The following PTPRD variants were observed in gnomAD, a reference collection of about 807,000 sequenced individuals.
PTPRD encodes protein tyrosine phosphatase receptor type D, also known as receptor-type tyrosine-protein phosphatase delta.
PTPRD carries 34 observed loss-of-function variants against 214.5 expected under a neutral mutation model. That is an observed-to-expected ratio of 0.16 (90% confidence interval 0.12 to 0.21). PTPRD has a LOEUF of 0.21. PTPRD is among the 10% of genes least tolerant of loss of function. The pLI is 1.00. For synonymous variants in PTPRD, 1,128 were observed against 845.7 expected, an observed-to-expected ratio of 1.33 and a Z score of -5.79; for missense variants, 2,545 against 2,398.7, an observed-to-expected ratio of 1.06 and a Z score of -1.27.
At chr9:8,917,835 C>G (rs915671753) in intron 11 of PTPRD, among the ~76,000 whole-genome samples, 2 of 152,090 alleles carry the variant, frequency 1.3e-5, no homozygotes, top group Non-Finnish European at 2.9e-5. Flanking sequence ...TGCTAGAGAC[C>G]ATTTGATGGA....
At chr9:9,591,842 C>T (rs115075314) in intron 7 of PTPRD, among the ~76,000 whole-genome samples, 4,820 of 151,980 alleles carry the variant, frequency 0.032, 144 homozygotes, top group African/African-American at 0.075. Flanking sequence ...ATTTTATAGC[C>T]ATTTTGAAAT....
chr9:8,673,191 C>T (rs528137866), intron 12 of PTPRD, among the ~76,000 whole-genome samples: 19 of 151,948 alleles, frequency 1.3e-4, no homozygotes, highest in East Asian at 3.9e-4. Flanking sequence ...TGAAACACAG[C>T]GGCTGTCTCC....
At position 10,184,720 on chromosome 9, in the gene PTPRD, A is replaced by G. The variant is rs560078431; in HGVS notation, c.-544-150930T>C. Among the ~76,000 whole-genome samples the G allele has an allele frequency of 3.3e-5, 5 of 152,312 alleles. 1 individual carries two copies. The South Asian group carries it at 1.0e-3, about 32-fold the overall frequency. On this transcript the variant is annotated intron_variant, in intron 3 of 45. Coordinates refer to ENST00000381196, the MANE Select transcript of PTPRD (RefSeq NM_002839.4). ...TTTCACCTCTCTTCTTCTGGTTTAT[A>G]AAATAATTAATATGTGGGGGCAGAA...
intron 5 of PTPRD, among the ~76,000 whole-genome samples, chr9:9,780,798 A>G (rs2098837012): frequency 6.6e-6 from 1 of 152,246 alleles, no homozygotes. Flanking sequence ...CCATGAAAAC[A>G]GTAGTTTATA....
At chr9:10,253,523 T>C (rs2092976610) in intron 3 of PTPRD, among the ~76,000 whole-genome samples, 1 of 152,194 alleles carries the variant, frequency 6.6e-6, no homozygotes, top group Admixed American at 6.5e-5. Context: ...TAAAAGCCAA[T>C]TCTCCTCCAA....
intron 11 of PTPRD, among the ~76,000 whole-genome samples, chr9:8,788,019 A>G (rs528694040): frequency 2.0e-5 from 3 of 152,284 alleles, no homozygotes; most frequent in African/African-American, 7.2e-5. Flanking sequence ...TGAGAAGTAA[A>G]TGAATCCAGT....
intron 12 of PTPRD, among the ~76,000 whole-genome samples, chr9:8,728,776 T>C (rs1322803318): frequency 1.3e-5 from 2 of 152,082 alleles, no homozygotes; most frequent in Admixed American, 6.5e-5. Flanking sequence ...GGTTCGAAGT[T>C]CGAGACCAGC....
rs536196061 is a variant in PTPRD at position 8,678,313 on chromosome 9, A to G, written c.65-41469T>C. ...GAGTCAAGTTAATGTCAACTATTTG[A>G]CCTTTTCAAAACCACGGTTTTCCAA... On this transcript the variant is annotated intron_variant, in intron 12 of 45. Transcript: ENST00000381196. Among the ~76,000 whole-genome samples the G allele has an allele frequency of 1.1e-3, 162 of 152,070 alleles. 3 individuals are homozygous for G. Among genetic ancestry groups the G allele is most frequent in the African/African-American group, 3.7e-3 (154 of 41,482 alleles).
chr9:8,389,935 A>C (rs116686732), intron 36 of PTPRD, among the ~76,000 whole-genome samples: 2,276 of 152,278 alleles, frequency 0.015, 80 homozygotes, highest in African/African-American at 0.052. Flanking sequence ...TCCTGTCAGG[A>C]GAAAACTGAG....
intron 12 of PTPRD, among the ~76,000 whole-genome samples, chr9:8,728,176 G>C (rs1424824856): frequency 1.3e-5 from 2 of 152,164 alleles, no homozygotes; most frequent in Non-Finnish European, 2.9e-5. Flanking sequence ...CTTGAACCGA[G>C]GAGGCGGAGG....
At chr9:10,070,402 ATT>A (rs919982380) in intron 3 of PTPRD, among the ~76,000 whole-genome samples, 4 of 152,026 alleles carry the variant, frequency 2.6e-5, no homozygotes, top group Admixed American at 6.6e-5. Context: ...ACAGATTGTA[ATT>A]TCTTTAAGTT....
At chr9:8,656,438 A>T (rs927900242) in intron 12 of PTPRD, among the ~76,000 whole-genome samples, 1 of 152,144 alleles carries the variant, frequency 6.6e-6, no homozygotes, top group Non-Finnish European at 1.5e-5. Flanking sequence ...CTCTGAACTC[A>T]TGTATCACTG....
chr9:9,621,813 T>A (rs578182169), intron 7 of PTPRD, among the ~76,000 whole-genome samples: 1 of 152,342 alleles, frequency 6.6e-6, no homozygotes, highest in East Asian at 1.9e-4. Flanking sequence ...GATGGTGTGA[T>A]GGAAACACGG....
chr9:9,635,503 A>G (rs550968862), intron 7 of PTPRD, among the ~76,000 whole-genome samples: 44 of 152,278 alleles, frequency 2.9e-4, no homozygotes, highest in Non-Finnish European at 5.6e-4. Context: ...GTTTCATTCA[A>G]TTCTGGGGAC....
intron 3 of PTPRD, among the ~76,000 whole-genome samples, chr9:10,245,689 AGAAAC>A (rs1206982424): frequency 6.6e-6 from 1 of 152,224 alleles, no homozygotes; most frequent in Non-Finnish European, 1.5e-5. Context: ...CTATGAAAAA[AGAAAC>A]TGTCCTTCTA....
chr9:8,596,492 T>A (rs56049113), intron 14 of PTPRD, among the ~76,000 whole-genome samples: 25,734 of 151,510 alleles, frequency 0.17, 2,402 homozygotes, highest in South Asian at 0.28. Flanking sequence ...CGTTAACACA[T>A]AAAGAAAAAA....
intron 11 of PTPRD, among the ~76,000 whole-genome samples, chr9:8,848,204 T>TA (rs1402173253): frequency 1.3e-5 from 2 of 151,072 alleles, no homozygotes; most frequent in African/African-American, 2.4e-5. Context: ...ACCCCTTTGG[T>TA]AAAAAAATGT....
At chr9:8,529,041 A>T (rs1288952763) in intron 14 of PTPRD, among the ~76,000 whole-genome samples, 2 of 152,118 alleles carry the variant, frequency 1.3e-5, no homozygotes, top group Non-Finnish European at 2.9e-5. Context: ...CCAAGAGCAA[A>T]GAGGGAGAAA....
At chr9:10,036,807 C>G (rs1039693009) in intron 3 of PTPRD, among the ~76,000 whole-genome samples, 1 of 152,068 alleles carries the variant, frequency 6.6e-6, no homozygotes, top group Non-Finnish European at 1.5e-5. Flanking sequence ...TGGTCTCGAT[C>G]TCTTGACCTT....
Sources: gnomAD v4.1 joint callset for allele counts (sites outside exome capture counted in the v4.1 genomes callset) on GRCh38, gnomAD v4.1.1 for gene constraint, MANE v1.5 for transcripts, NCBI Gene and HGNC (gene_info 2026-07-23, HGNC 2026-07-21) for gene names.